The following GFRA1 variants were observed in gnomAD, a reference collection of about 807,000 sequenced individuals.
GFRA1 encodes GDNF family receptor alpha 1, also known as GDNF family receptor alpha-1.
Under a neutral mutation model 51.6 loss-of-function variants are expected in GFRA1, and 16 were observed. The ratio of observed to expected loss-of-function variants is 0.31; its 90% CI spans 0.21 to 0.47. GFRA1 has a LOEUF of 0.47. Ranked by LOEUF, GFRA1 falls within the 20% of genes least tolerant of loss-of-function variation. The pLI, the probability that GFRA1 is intolerant of heterozygous loss-of-function variation, is 1.00. For missense variants in GFRA1, 530 were observed against 594.3 expected, an observed-to-expected ratio of 0.89 and a Z score of 1.13; for synonymous variants, 270 against 241.3, an observed-to-expected ratio of 1.12 and a Z score of -1.10.
At chr10:116,251,739 A>C (rs1359651938) in intron 4 of GFRA1, among the ~76,000 whole-genome samples, 1 of 152,126 alleles carries the variant, frequency 6.6e-6, no homozygotes, top group Non-Finnish European at 1.5e-5. Flanking sequence ...GAGGAAAAGC[A>C]GGTGAAATGG....
intron 5 of GFRA1, among the ~76,000 whole-genome samples, chr10:116,158,364 T>C (rs1165388461): frequency 2.6e-5 from 4 of 152,180 alleles, no homozygotes; most frequent in Non-Finnish European, 4.4e-5. Flanking sequence ...TGGATGGGCA[T>C]AGTGCCTAGC....
At chr10:116,226,790 A>T (rs1168882909) in intron 4 of GFRA1, 3 of 419,594 alleles carry the variant, frequency 7.1e-6, no homozygotes, top group Admixed American at 2.5e-5. Context: ...CTGCAACTAG[A>T]GGGTCCTACC....
intron 4 of GFRA1, among the ~76,000 whole-genome samples, chr10:116,216,528 T>C (rs1829087135): frequency 6.6e-6 from 1 of 152,226 alleles, no homozygotes; most frequent in South Asian, 2.1e-4. Flanking sequence ...ATTAAAGGTA[T>C]GGCAAACAGT....
chr10:116,144,924 G>A (rs767091113), intron 5 of GFRA1, among the ~76,000 whole-genome samples: 32 of 151,902 alleles, frequency 2.1e-4, no homozygotes, highest in African/African-American at 7.5e-4. Context: ...TGAGGAGGGC[G>A]GATCATCTGA....
intron 4 of GFRA1, among the ~76,000 whole-genome samples, chr10:116,262,735 T>A (rs1462210044): frequency 1.3e-5 from 2 of 152,166 alleles, no homozygotes; most frequent in African/African-American, 4.8e-5. Flanking sequence ...CCAAAAGTAG[T>A]GGTCTGTGAA....
At chr10:116,195,640 C>T (rs1963671447) in intron 5 of GFRA1, among the ~76,000 whole-genome samples, 1 of 152,320 alleles carries the variant, frequency 6.6e-6, no homozygotes, top group East Asian at 1.9e-4. Flanking sequence ...AGCCTGGTTT[C>T]TAACAGGCCA....
At chr10:116,258,440 A>C (rs1969058606) in intron 4 of GFRA1, among the ~76,000 whole-genome samples, 1 of 147,886 alleles carries the variant, frequency 6.8e-6, no homozygotes, top group Non-Finnish European at 1.5e-5. Context: ...AATTAATAAA[A>C]TATATAATAT....
At chr10:116,071,973 G>A (rs914014695) in intron 9 of GFRA1, among the ~76,000 whole-genome samples, 23 of 151,578 alleles carry the variant, frequency 1.5e-4, no homozygotes, top group South Asian at 6.3e-4. Context: ...CAGGAGTGAC[G>A]TTTGACACCC....
chr10:116,201,810 T>TC (rs992828101), intron 5 of GFRA1, among the ~76,000 whole-genome samples: 10 of 152,112 alleles, frequency 6.6e-5, no homozygotes, highest in Admixed American at 6.5e-4. Flanking sequence ...CCAAACACTG[T>TC]CCCCACCCCC....
chr10:116,122,563 C>G (rs1467643687), intron 6 of GFRA1, among the ~76,000 whole-genome samples: 16 of 152,186 alleles, frequency 1.1e-4, no homozygotes, highest in Admixed American at 1.0e-3. Context: ...CTCACTACAG[C>G]TTAGCAGGAA....
intron 5 of GFRA1, among the ~76,000 whole-genome samples, chr10:116,211,150 A>G (rs1404981450): frequency 6.6e-6 from 1 of 152,204 alleles, no homozygotes; most frequent in Non-Finnish European, 1.5e-5. Flanking sequence ...CGAGGTTGAA[A>G]AGCATGAAGT....
chr10:116,197,719 T>C (rs998436849), intron 5 of GFRA1, among the ~76,000 whole-genome samples: 9 of 152,154 alleles, frequency 5.9e-5, no homozygotes, highest in African/African-American at 2.2e-4. Context: ...TACAAAGAAA[T>C]TAAACAGGGA....
chr10:116,233,855 A>G (rs1966833366), intron 4 of GFRA1, among the ~76,000 whole-genome samples: 1 of 152,236 alleles, frequency 6.6e-6, no homozygotes, highest in Non-Finnish European at 1.5e-5. Flanking sequence ...ATAAAAGGGA[A>G]AAAAACAAAT....
chr10:116,266,321 C>T (rs1339952899), intron 4 of GFRA1, among the ~76,000 whole-genome samples: 1 of 152,188 alleles, frequency 6.6e-6, no homozygotes, highest in Non-Finnish European at 1.5e-5. Flanking sequence ...GTTGTCCTGG[C>T]TTCCTCAGAT....
rs1298800659 is a variant in GFRA1 at position 116,058,272 on chromosome 10, G to C, written c.*6126C>G. ...TCTGTGTTATGCTTGCAGGTGTCAG[G>C]GGTCAATGTGCACATTCGAAGTTTT... is the stretch of plus-strand genomic sequence containing the variant. On this transcript the variant is annotated 3_prime_UTR_variant, in exon 11 of 11. Transcript: ENST00000355422. The C allele has an allele frequency of 6.6e-6, 1 of 152,242 alleles. No individual in the cohort carries two copies. Among genetic ancestry groups the C allele is most frequent in the Non-Finnish European group, 1.5e-5 (1 of 68,112 alleles). The allele number at this position is 152,242 out of a possible 1,614,324, so 9.4% of individuals were successfully genotyped here.
intron 5 of GFRA1, among the ~76,000 whole-genome samples, chr10:116,154,123 A>G (rs543525819): frequency 1.4e-3 from 216 of 152,272 alleles, no homozygotes; most frequent in Non-Finnish European, 2.4e-3. Flanking sequence ...CACTCTTACA[A>G]TCTGCTGGTG....
At chr10:116,210,083 T>C (rs759755709) in intron 5 of GFRA1, among the ~76,000 whole-genome samples, 4 of 152,192 alleles carry the variant, frequency 2.6e-5, no homozygotes, top group Non-Finnish European at 5.9e-5. Flanking sequence ...CTGCATATCA[T>C]TGTTACTGAC....
chr10:116,123,468 C>T (rs1256493345), intron 6 of GFRA1, among the ~76,000 whole-genome samples: 4 of 152,172 alleles, frequency 2.6e-5, no homozygotes, highest in Non-Finnish European at 4.4e-5. Flanking sequence ...ATACAGATGA[C>T]AAGGACTTAC....
chr10:116,199,452 G>C (rs1355333775), intron 5 of GFRA1, among the ~76,000 whole-genome samples: 5 of 152,068 alleles, frequency 3.3e-5, no homozygotes, highest in South Asian at 2.1e-4. Flanking sequence ...TTATTATAAA[G>C]TTTTCAAATA....
Sources: allele counts gnomAD v4.1 joint callset (sites outside exome capture counted in the v4.1 genomes callset), GRCh38; gene constraint gnomAD v4.1.1; transcripts MANE v1.5; gene names NCBI Gene and HGNC (gene_info 2026-07-23, HGNC 2026-07-21).